DLD: variants seen among roughly 807,000 people sequenced by gnomAD.
DLD encodes dihydrolipoamide dehydrogenase, also known as dihydrolipoyl dehydrogenase, mitochondrial.
In DLD, 36 loss-of-function variants were observed where a neutral mutation model predicts 62.2. That is an observed-to-expected ratio of 0.58 (90% CI 0.44 to 0.76). The LOEUF (loss-of-function observed/expected upper bound fraction) is 0.76, where lower values mean the gene tolerates loss of function less well. Among genes scored for constraint, DLD ranks in the 30% least tolerant of loss-of-function variants. The pLI, the probability that DLD is intolerant of heterozygous loss-of-function variation, is 0.00. For missense variants in DLD, 541 were observed against 608.6 expected, an observed-to-expected ratio of 0.89 and a Z score of 1.17; for synonymous variants, 204 against 199.6, an observed-to-expected ratio of 1.02 and a Z score of -0.19.
At chr7:107,892,639 G>A (rs1489252610) in intron 1 of DLD, among the ~76,000 whole-genome samples, 1 of 152,050 alleles carries the variant, frequency 6.6e-6, no homozygotes, top group African/African-American at 2.4e-5. Flanking sequence ...TCCGCCTCCC[G>A]GGTTCAAGTG....
intron 8 of DLD, among the ~76,000 whole-genome samples, chr7:107,906,735 C>T (rs1215605017): frequency 1.3e-5 from 2 of 152,090 alleles, no homozygotes; most frequent in Non-Finnish European, 2.9e-5. Context: ...TTTGGCTCTT[C>T]CCTTCTCTAT....
Position 107,902,441 on chromosome 7 carries a change from C to T in DLD, c.267+48C>T, listed in dbSNP as rs2116210539. ...ACAGAGATTGTTTTTGGCTAGCAAC[C>T]AACTAGAAGGATGGATTGAGACTAG... On this transcript the variant is annotated intron_variant, in intron 4 of 13. Transcript: ENST00000205402. 3 of 1,501,422 alleles carry T rather than the reference C, an allele frequency of 2.0e-6. No individual in the cohort carries two copies. The East Asian group carries it at 6.8e-5, about 34-fold the overall frequency. The allele number at this position is 1,501,422 out of a possible 1,614,324, so 93.0% of individuals were successfully genotyped here. A position where few individuals can be genotyped will look rare whatever the true frequency, so the allele number is the denominator to read the frequency against.
intron 4 of DLD, 130 bp from the exon 5 acceptor site, chr7:107,903,348 A>G: frequency 3.3e-6 from 2 of 612,450 alleles, no homozygotes; most frequent in Non-Finnish European, 5.9e-6. Flanking sequence ...ATTGCACTCC[A>G]GCTTGGGCAA....
chr7:107,907,502 A>G (rs866077161), intron 8 of DLD, among the ~76,000 whole-genome samples: 2 of 152,156 alleles, frequency 1.3e-5, no homozygotes, highest in Admixed American at 6.5e-5. Flanking sequence ...AACTCCCTCA[A>G]GTTGATGTCC....
At chr7:107,908,746 T>G (rs939481158) in intron 8 of DLD, among the ~76,000 whole-genome samples, 1 of 152,062 alleles carries the variant, frequency 6.6e-6, no homozygotes, top group Non-Finnish European at 1.5e-5. Context: ...CTAAGAAAGC[T>G]CAAGTCTTTC....
rs2032005207 is a variant in DLD, at chr7:107,906,306, T to C, written c.622T>C (p.Ser208Pro). Reference protein sequence around the residue: ...DTIVSSTGALSLKKVPEKMVV... With the variant: ...DTIVSSTGALPLKKVPEKMVV... ...AATAGTGTCATCTACAGGTGCTTTA[T>C]CTTTAAAAAAAGTTCCAGAAAAGAT... Residue 208 changes from serine (S) to proline (P), a missense_variant, in exon 8 of 14, where the codon TCT becomes CCT. Transcript: ENST00000205402. The C allele has an allele frequency of 6.2e-7, 1 of 1,608,962 alleles. No individual in the cohort carries two copies. Among genetic ancestry groups the C allele is most frequent in the Non-Finnish European group, 8.5e-7 (1 of 1,175,380 alleles).
At chr7:107,901,437 A>C (rs148244713) in intron 2 of DLD, among the ~76,000 whole-genome samples, 122 of 152,288 alleles carry the variant, frequency 8.0e-4, no homozygotes, top group African/African-American at 2.8e-3. Context: ...TCAGTTATTA[A>C]ATCAATAGAA....
intron 8 of DLD, 38 bp downstream of exon 8, chr7:107,906,406 A>C: frequency 7.5e-7 from 1 of 1,341,910 alleles, no homozygotes; most frequent in South Asian, 1.2e-5. Flanking sequence ...ACCTCCTTGG[A>C]GTTGGAAGGG....
At chr7:107,903,681 A>G in intron 5 of DLD, 134 bp downstream of exon 5, 1 of 555,844 alleles carries the variant, frequency 1.8e-6, no homozygotes, top group Non-Finnish European at 3.2e-6. Flanking sequence ...AATCTAAAAA[A>G]TGTGGAGAGA....
At chr7:107,907,857 A>G (rs2032044591) in intron 8 of DLD, among the ~76,000 whole-genome samples, 1 of 152,230 alleles carries the variant, frequency 6.6e-6, no homozygotes, top group South Asian at 2.1e-4. Context: ...CCAGCTTCTC[A>G]AAAGAGTTGT....
intron 3 of DLD, 69 bp from the exon 4 acceptor site, chr7:107,902,256 T>C (rs1398837790): frequency 1.5e-6 from 2 of 1,329,858 alleles, no homozygotes; most frequent in East Asian, 2.3e-5. Flanking sequence ...TTAAGACATA[T>C]ATTTGGAATT....
chr7:107,895,713 A>G (rs538205609), intron 2 of DLD, among the ~76,000 whole-genome samples: 3 of 152,360 alleles, frequency 2.0e-5, no homozygotes, highest in Non-Finnish European at 2.9e-5. Context: ...ATAGGGAGTA[A>G]TGACATCTAT....
chr7:107,920,119 A>T lies in DLD; in HGVS notation c.*860A>T, dbSNP rs1051190599. On this transcript the variant is annotated 3_prime_UTR_variant, in exon 14 of 14. Coordinates refer to ENST00000205402, the MANE Select transcript of DLD (RefSeq NM_000108.5). Reference sequence around the variant, plus strand: ...GCATTTTAAAGGTCATCATCCTTTCATCTATTTTAGATACACCTACTAAAT... The same window carrying T: ...GCATTTTAAAGGTCATCATCCTTTCTTCTATTTTAGATACACCTACTAAAT... 6.6e-6 allele frequency: 1 copy of T among 152,310 alleles called. No individual in the cohort carries two copies. 9.4% of individuals were successfully genotyped at this position (152,310 alleles called of 1,614,324 possible). A position where few individuals can be genotyped will look rare whatever the true frequency, so the allele number is the denominator to read the frequency against.
At chr7:107,910,182 T>C (rs2032106851) in intron 8 of DLD, among the ~76,000 whole-genome samples, 2 of 152,206 alleles carry the variant, frequency 1.3e-5, no homozygotes, top group Admixed American at 6.5e-5. Context: ...AAATGACCAG[T>C]TGTTCTTAAT....
At chr7:107,913,906 G>GT (rs1475071745) in intron 8 of DLD, among the ~76,000 whole-genome samples, 14 of 151,994 alleles carry the variant, frequency 9.2e-5, no homozygotes, top group African/African-American at 3.1e-4. Context: ...CCTATATCCA[G>GT]TTTTTTGAGG....
At chr7:107,915,455 A>G (rs2032243599) in intron 8 of DLD, 51 bp from the exon 9 acceptor site, 1 of 1,570,900 alleles carries the variant, frequency 6.4e-7, no homozygotes, top group Non-Finnish European at 8.8e-7. Context: ...TTTCGTAAAC[A>G]TTTGCTATAG....
Position 107,916,911 on chromosome 7 carries a change from A to G in DLD, c.993A>G (p.Leu331=). The change falls in exon 10 of 14, where the codon CTA becomes CTG. Residue 331 remains leucine, a synonymous_variant. Transcript: ENST00000205402. ...GACTAGAAGAGCTGGGAATTGAACT[A>G]GATCCCAGAGGTAGAATTCCAGTCA... The part of the protein sequence containing the change: ...NLGLEELGIE[L]DPRGRIPVNT... 6.2e-7 allele frequency: 1 copy of G among 1,613,902 alleles called. No homozygotes were observed. The highest frequency in any genetic ancestry group is 8.5e-7 in the Non-Finnish European group (1 of 1,179,980).
chr7:107,893,788 T>G (rs948178278), intron 2 of DLD, among the ~76,000 whole-genome samples: 1 of 152,086 alleles, frequency 6.6e-6, no homozygotes, highest in Non-Finnish European at 1.5e-5. Context: ...GTCGGAGAGG[T>G]AGGCAGGAGA....
Position 107,915,655 on chromosome 7 carries a change from T to C in DLD, c.834T>C (p.Val278=), listed in dbSNP as rs1258445963. Residue 278 remains valine, a synonymous_variant, in exon 9 of 14, where the codon GTT becomes GTC. Coordinates refer to ENST00000205402, the MANE Select transcript of DLD (RefSeq NM_000108.5). ...QGFKFKLNTK[V]TGATKKSDGK... The stretch of plus-strand genomic sequence containing the variant: ...TTAAATTTAAATTGAATACAAAGGT[T>C]ACTGGTGCTACCAAGAAGTCAGATG... 2 of 1,613,794 alleles carry C rather than the reference T, an allele frequency of 1.2e-6. No homozygotes were observed. The highest frequency in any genetic ancestry group is 1.7e-5 in the Admixed American group (1 of 60,010).
Sources: gnomAD v4.1 joint callset for allele counts (sites outside exome capture counted in the v4.1 genomes callset) on GRCh38, gnomAD v4.1.1 for gene constraint, MANE v1.5 for transcripts, NCBI Gene and HGNC (gene_info 2026-07-23, HGNC 2026-07-21) for gene names.